Variants in SUMF1 observed in about 807,000 individuals in gnomAD.
The protein encoded by SUMF1 is sulfatase modifying factor 1.
A neutral mutation model predicts 47.6 loss-of-function variants in SUMF1; 48 were observed. The ratio of observed to expected loss-of-function variants is 1.01; its 90% CI spans 0.80 to 1.28. SUMF1 has a LOEUF of 1.28. Ranked by LOEUF, SUMF1 falls within the 50% of genes most tolerant of loss-of-function variation. The pLI is 0.00. For missense variants in SUMF1, 571 were observed against 485.4 expected (o/e 1.18, Z -1.66); for synonymous variants, 230 against 192.1 (o/e 1.20, Z -1.63).
Position 4,312,788 on chromosome 3 carries a change from C to G in SUMF1, c.1014+63542G>C, listed in dbSNP as rs1024247948. On this transcript the variant is annotated intron_variant and NMD_transcript_variant, in intron 8 of 12. Coordinates refer to the SUMF1 transcript ENST00000448413. Reference sequence around the variant, plus strand: ...TATGCTGTGTTTTGACAGTTTTGTCCTGTTTTTATATATGTTAGAATTAGA... The same window carrying G: ...TATGCTGTGTTTTGACAGTTTTGTCGTGTTTTTATATATGTTAGAATTAGA... 3.9e-6 allele frequency: 5 copies of G among 1,280,008 alleles called. No individual in the cohort carries two copies. The African/African-American group carries it at 6.1e-5, about 15-fold the overall frequency. The allele number at this position is 1,280,008 out of a possible 1,614,324, so 79.3% of individuals were successfully genotyped here.
downstream of SUMF1, among the ~76,000 whole-genome samples, chr3:4,360,205 C>CTTTTTTTTT (rs57690047): frequency 5.1e-4 from 53 of 104,092 alleles, 6 homozygotes; most frequent in Middle Eastern, 6.7e-3. Flanking sequence ...AATGTTTGTT[C>CTTTTTTTTT]TTTTTTTTTT....
chr3:4,406,519 G>A (rs2124994748), intron 7 of SUMF1, among the ~76,000 whole-genome samples: 1 of 152,254 alleles, frequency 6.6e-6, no homozygotes, highest in East Asian at 1.9e-4. Context: ...TTAGCTGGGT[G>A]TGGTAGCACG....
chr3:4,342,484 TATC>T, intron 8 of SUMF1, among the ~76,000 whole-genome samples: 1 of 152,308 alleles, frequency 6.6e-6, no homozygotes, highest in East Asian at 1.9e-4. Flanking sequence ...AGTGAGCTGA[TATC>T]ATGCCCCTGC....
At chr3:4,392,488 C>G (rs139029316) in intron 7 of SUMF1, among the ~76,000 whole-genome samples, 1 of 151,720 alleles carries the variant, frequency 6.6e-6, no homozygotes, top group African/African-American at 2.4e-5. Flanking sequence ...ATGTTTATTA[C>G]ATTTTAGCTG....
intron 9 of SUMF1, among the ~76,000 whole-genome samples, chr3:4,056,886 T>C (rs1164858142): frequency 6.6e-6 from 1 of 151,834 alleles, no homozygotes; most frequent in Non-Finnish European, 1.5e-5. Flanking sequence ...GGACTACAGG[T>C]GCCTGCCACC....
intron 8 of SUMF1, among the ~76,000 whole-genome samples, chr3:4,265,447 C>G (rs1224207096): frequency 6.6e-6 from 1 of 152,112 alleles, no homozygotes. Context: ...ATAAATAACA[C>G]TTTATAGCTT....
intron 8 of SUMF1, among the ~76,000 whole-genome samples, chr3:4,296,990 T>G (rs1348508451): frequency 6.6e-6 from 1 of 152,188 alleles, no homozygotes. Flanking sequence ...TTTATTTTTC[T>G]CTTGGAAGAC....
chr3:4,252,798 A>G (rs941082904), intron 8 of SUMF1, among the ~76,000 whole-genome samples: 17 of 152,188 alleles, frequency 1.1e-4, no homozygotes, highest in African/African-American at 4.1e-4. Flanking sequence ...AAAACTGCAA[A>G]TGGTCTGACT....
chr3:4,071,900 C>T (rs572247479), intron 8 of SUMF1, among the ~76,000 whole-genome samples: 1 of 152,316 alleles, frequency 6.6e-6, no homozygotes, highest in East Asian at 1.9e-4. Flanking sequence ...TGCCTCACAG[C>T]TCTGAAGAGC....
rs757339151 is a variant in SUMF1 at position 4,313,173 on chromosome 3, C to T, written c.1014+63157G>A. On this transcript the variant is annotated intron_variant and NMD_transcript_variant, in intron 8 of 12. Coordinates refer to the SUMF1 transcript ENST00000448413. ...GTCTACAGTTCCACTTCCAAGTGTT[C>T]AAGACGCATAAAAAAGGCTGGGGAC... is the stretch of plus-strand genomic sequence containing the variant. The T allele has an allele frequency of 6.8e-6, 11 of 1,613,812 alleles. No individual in the cohort carries two copies. In the Admixed American group the frequency reaches 1.8e-4, roughly 27 times the overall value.
chr3:4,093,462 C>G (rs1692832910), intron 8 of SUMF1, among the ~76,000 whole-genome samples: 1 of 151,914 alleles, frequency 6.6e-6, no homozygotes, highest in African/African-American at 2.4e-5. Flanking sequence ...AAGCACCTAA[C>G]AGTGGTTGGG....
chr3:4,183,044 T>C (rs1170776631), intron 8 of SUMF1, among the ~76,000 whole-genome samples: 1 of 152,108 alleles, frequency 6.6e-6, no homozygotes, highest in African/African-American at 2.4e-5. Context: ...ATCGGCCAAC[T>C]GGGAATAAGA....
At chr3:4,443,315 A>T (rs1702668605) in intron 3 of SUMF1, among the ~76,000 whole-genome samples, 1 of 152,120 alleles carries the variant, frequency 6.6e-6, no homozygotes, top group Non-Finnish European at 1.5e-5. Flanking sequence ...AATGGCATGA[A>T]GAAAATGATG....
chr3:4,115,356 G>A (rs928934153), intron 8 of SUMF1, among the ~76,000 whole-genome samples: 5 of 152,022 alleles, frequency 3.3e-5, no homozygotes, highest in African/African-American at 9.7e-5. Context: ...GATTTTCCTG[G>A]TACACCAAGG....
intron 9 of SUMF1, among the ~76,000 whole-genome samples, chr3:4,062,521 T>G (rs1280249272): frequency 1.3e-5 from 2 of 152,058 alleles, no homozygotes; most frequent in African/African-American, 4.8e-5. Flanking sequence ...GTAAGAAGAA[T>G]TTACCAACAA....
chr3:4,109,337 T>G (rs1272576774), intron 8 of SUMF1, among the ~76,000 whole-genome samples: 1 of 152,142 alleles, frequency 6.6e-6, no homozygotes, highest in East Asian at 1.9e-4. Context: ...ACCCGACCTT[T>G]CTCTCTGGCT....
chr3:4,272,072 T>C (rs1191192277), intron 8 of SUMF1, among the ~76,000 whole-genome samples: 1 of 152,224 alleles, frequency 6.6e-6, no homozygotes, highest in Non-Finnish European at 1.5e-5. Context: ...GCTGATTTCC[T>C]GACCCGGACT....
chr3:4,238,697 G>C (rs1696466234), intron 8 of SUMF1, among the ~76,000 whole-genome samples: 1 of 151,954 alleles, frequency 6.6e-6, no homozygotes, highest in Non-Finnish European at 1.5e-5. Flanking sequence ...TGGATAGATT[G>C]CAAAAATTTT....
intron 8 of SUMF1, among the ~76,000 whole-genome samples, chr3:4,181,487 T>A (rs557373859): frequency 6.6e-6 from 1 of 152,264 alleles, no homozygotes; most frequent in Non-Finnish European, 1.5e-5. Context: ...GAGAAAAGGA[T>A]GAAAGAAGAT....
Sources: gnomAD v4.1 joint callset for allele counts (sites outside exome capture counted in the v4.1 genomes callset) on GRCh38, gnomAD v4.1.1 for gene constraint, MANE v1.5 for transcripts, NCBI Gene and HGNC (gene_info 2026-07-23, HGNC 2026-07-21) for gene names.